Variants in TRHDE observed in about 807,000 individuals in gnomAD.
The protein encoded by TRHDE is thyrotropin-releasing hormone-degrading ectoenzyme.
TRHDE carries 72 observed loss-of-function variants against 125.7 expected under a neutral mutation model. That is an observed-to-expected ratio of 0.57 (90% confidence interval 0.47 to 0.70). The LOEUF (loss-of-function observed/expected upper bound fraction) is 0.70. Ranked by LOEUF, TRHDE falls within the 30% of genes least tolerant of loss-of-function variation. The pLI is 0.00. For synonymous variants in TRHDE, 509 were observed against 509.1 expected (o/e 1.00, Z 0.00); for missense variants, 1,110 against 1,327.1 (o/e 0.84, Z 2.54).
intron 2 of TRHDE, among the ~76,000 whole-genome samples, chr12:72,144,268 T>G (rs1876178892): frequency 6.6e-6 from 1 of 152,236 alleles, no homozygotes; most frequent in East Asian, 1.9e-4. Context: ...CTCTGTCTCT[T>G]TCTTTGAACC....
intron 1 of TRHDE, among the ~76,000 whole-genome samples, chr12:72,091,346 T>TG (rs1314022049): frequency 2.6e-5 from 4 of 152,164 alleles, no homozygotes; most frequent in Admixed American, 2.0e-4. Flanking sequence ...ATGGACAACC[T>TG]GCATCCTGTA....
At chr12:72,319,799 A>G (rs1868991774) in intron 2 of TRHDE, among the ~76,000 whole-genome samples, 1 of 152,130 alleles carries the variant, frequency 6.6e-6, no homozygotes, top group Admixed American at 6.5e-5. Context: ...TATATTGCCC[A>G]AAGGGGACAT....
chr12:72,645,936 T>C (rs1874262315), intron 15 of TRHDE, among the ~76,000 whole-genome samples: 1 of 152,106 alleles, frequency 6.6e-6, no homozygotes, highest in Non-Finnish European at 1.5e-5. Flanking sequence ...AGTGAGGTCA[T>C]CACCAGCAGA....
chr12:72,257,841 A>G (rs1408064034), intron 2 of TRHDE: 1 of 152,204 alleles, frequency 6.6e-6, no homozygotes, highest in Non-Finnish European at 1.5e-5. Flanking sequence ...GGGAACGTTT[A>G]CATCCTGATT....
At chr12:72,184,873 G>T (rs1877169199) in intron 2 of TRHDE, among the ~76,000 whole-genome samples, 1 of 152,186 alleles carries the variant, frequency 6.6e-6, no homozygotes, top group Non-Finnish European at 1.5e-5. Context: ...GTGACAGCGT[G>T]CTGGCAGTCC....
chr12:72,588,053 G>A (rs936475332), intron 12 of TRHDE, among the ~76,000 whole-genome samples: 3 of 152,058 alleles, frequency 2.0e-5, no homozygotes, highest in South Asian at 2.1e-4. Flanking sequence ...ACTGGTAAGC[G>A]ATCAGCAAGC....
chr12:72,574,508 T>G (rs1398573342), intron 10 of TRHDE, among the ~76,000 whole-genome samples: 1 of 152,142 alleles, frequency 6.6e-6, no homozygotes, highest in African/African-American at 2.4e-5. Flanking sequence ...CAATAAAGGC[T>G]ACATGTGCAG....
chr12:72,489,234 A>G (rs746925217), intron 5 of TRHDE, among the ~76,000 whole-genome samples: 6 of 151,010 alleles, frequency 4.0e-5, no homozygotes, highest in Non-Finnish European at 8.9e-5. Flanking sequence ...AAAAAAAAAT[A>G]CAAAATCATC....
chr12:72,604,655 CTT>C (rs896817245), intron 12 of TRHDE, among the ~76,000 whole-genome samples: 8 of 151,880 alleles, frequency 5.3e-5, no homozygotes, highest in African/African-American at 1.9e-4. Context: ...TATTTTGTCA[CTT>C]TATTTTGCAC....
At chr12:72,120,379 G>A (rs1875549586) in intron 2 of TRHDE, among the ~76,000 whole-genome samples, 1 of 151,824 alleles carries the variant, frequency 6.6e-6, no homozygotes, top group African/African-American at 2.4e-5. Flanking sequence ...TTGTTTTCTA[G>A]TTGTTTTGTA....
chr12:72,368,892 C>A (rs1034084818), intron 2 of TRHDE, among the ~76,000 whole-genome samples: 2 of 152,046 alleles, frequency 1.3e-5, no homozygotes, highest in Admixed American at 6.6e-5. Context: ...TGTTTCCTAC[C>A]CTTGTGTACA....
chr12:72,538,857 T>TTAAG (rs1437586418), intron 6 of TRHDE, among the ~76,000 whole-genome samples: 1 of 151,952 alleles, frequency 6.6e-6, no homozygotes, highest in African/African-American at 2.4e-5. Context: ...AGTATCACAG[T>TTAAG]TAAGTCCCGA....
At chr12:72,599,089 C>T (rs1872100395) in intron 12 of TRHDE, among the ~76,000 whole-genome samples, 1 of 152,080 alleles carries the variant, frequency 6.6e-6, no homozygotes, top group African/African-American at 2.4e-5. Flanking sequence ...CATAGTATTC[C>T]ATGGTGTATA....
At chr12:72,390,887 A>G (rs1467500777) in intron 3 of TRHDE, among the ~76,000 whole-genome samples, 3 of 152,170 alleles carry the variant, frequency 2.0e-5, no homozygotes, top group Non-Finnish European at 4.4e-5. Flanking sequence ...GGTAAGAAGC[A>G]GAGGTACTAT....
rs1673583975 is a variant in TRHDE, at chr12:72,668,438, T to G, written c.*5243T>G. On this transcript the variant is annotated 3_prime_UTR_variant, in exon 19 of 19. Transcript: ENST00000261180. ...ACCCCAGATTTTGAAAACATACCAC[T>G]TTAATGGCCTTTATTTCAAATACTT... 6.6e-6 allele frequency: 1 copy of G among 151,776 alleles called. No homozygotes were observed. Among genetic ancestry groups the G allele is most frequent in the Non-Finnish European group, 1.5e-5 (1 of 67,756 alleles). The allele number at this position is 151,776 out of a possible 1,614,324, so 9.4% of individuals were successfully genotyped here. A position where few individuals can be genotyped will look rare whatever the true frequency, so the allele number is the denominator to read the frequency against.
chr12:72,195,501 G>A (rs756786335), intron 2 of TRHDE, among the ~76,000 whole-genome samples: 12 of 151,690 alleles, frequency 7.9e-5, no homozygotes, highest in Non-Finnish European at 1.3e-4. Flanking sequence ...CTGATGATTA[G>A]TGATGTGGAA....
chr12:72,371,607 G>T (rs1353310230), intron 2 of TRHDE, among the ~76,000 whole-genome samples: 1 of 150,458 alleles, frequency 6.6e-6, no homozygotes, highest in Non-Finnish European at 1.5e-5. Context: ...TGTTCTCATT[G>T]TTCAGTTCCC....
At chr12:72,483,931 T>A (rs1290645823) in intron 5 of TRHDE, among the ~76,000 whole-genome samples, 1 of 152,038 alleles carries the variant, frequency 6.6e-6, no homozygotes, top group Non-Finnish European at 1.5e-5. Context: ...ATAATTTTGT[T>A]ACAGAATTAA....
intron 2 of TRHDE, among the ~76,000 whole-genome samples, chr12:72,148,768 T>G (rs955573494): frequency 3.9e-5 from 6 of 152,246 alleles, no homozygotes; most frequent in Non-Finnish European, 5.9e-5. Context: ...GAATTCATCC[T>G]TGCAAGTTTT....
Sources: allele counts gnomAD v4.1 joint callset (sites outside exome capture counted in the v4.1 genomes callset), GRCh38; gene constraint gnomAD v4.1.1; transcripts MANE v1.5; gene names NCBI Gene and HGNC (gene_info 2026-07-23, HGNC 2026-07-21).